Variants in DNAJC5B observed in about 807,000 individuals in gnomAD.
DNAJC5B encodes the protein dnaJ homolog subfamily C member 5B.
DNAJC5B carries 23 observed loss-of-function variants against 24.7 expected under a neutral mutation model. The ratio of observed to expected loss-of-function variants is 0.93; its 90% CI spans 0.67 to 1.32. The LOEUF (loss-of-function observed/expected upper bound fraction) is 1.32, where lower values mean the gene tolerates loss of function less well. Among genes scored for constraint, DNAJC5B ranks in the 40% most tolerant of loss-of-function variants. The pLI is 0.00. For missense variants in DNAJC5B, 238 were observed against 240.8 expected (o/e 0.99, Z 0.08); for synonymous variants, 101 against 90.1 (o/e 1.12, Z -0.68).
chr8:66,076,805 T>C lies in DNAJC5B; in HGVS notation c.265T>C (p.Tyr89His), dbSNP rs370851025. The stretch of plus-strand genomic sequence containing the variant: ...CGACAAGTACGGATCGCTGGGACTC[T>C]ACGTGGCCGAGCAGTTTGGAGACGA... ...IYDKYGSLGL[Y>H]VAEQFGDENV... The change falls in exon 4 of 6, where the codon TAC (tyrosine) becomes CAC (histidine). Residue 89 changes from tyrosine (Y) to histidine (H), a missense_variant. Tyr to His is a moderately conservative substitution (Grantham distance 83). Transcript: ENST00000276570. The C allele has an allele frequency of 2.5e-5, 41 of 1,614,200 alleles. No individual in the cohort carries two copies. The East Asian group carries it at 4.5e-4, about 18-fold the overall frequency.
upstream of DNAJC5B, among the ~76,000 whole-genome samples, chr8:66,021,132 A>G (rs972558661): frequency 1.3e-4 from 20 of 151,866 alleles, no homozygotes; most frequent in African/African-American, 4.1e-4. Context: ...CTTCACTGAG[A>G]CTCTGTTCTC....
intron 5 of DNAJC5B, among the ~76,000 whole-genome samples, chr8:66,099,680 C>A (rs1271603393): frequency 1.3e-5 from 2 of 152,198 alleles, no homozygotes; most frequent in African/African-American, 4.8e-5. Context: ...TTCAAGTTCA[C>A]CAGGTTCAGC....
rs1301603065 is a variant in DNAJC5B, at chr8:66,100,011, A to C, written c.580A>C (p.Ser194Arg). 3 of 1,613,890 alleles carry C rather than the reference A, an allele frequency of 1.9e-6. No individual in the cohort carries two copies. The African/African-American group carries it at 4.0e-5, about 22-fold the overall frequency. ...KTQLIKEGSRSYCTDS is the reference protein window; with the variant it reads ...KTQLIKEGSRRYCTDS ...ACAGCTAATCAAAGAAGGATCTCGA[A>C]GTTATTGCACAGACTCTTGATATTG... Residue 194 changes from serine to arginine, a missense_variant, in exon 6 of 6, where the codon AGT becomes CGT. Ser to Arg is a moderately radical substitution (Grantham distance 110, BLOSUM62 -1). Transcript: ENST00000276570.
chr8:66,055,840 G>A (rs1412095504), intron 3 of DNAJC5B, among the ~76,000 whole-genome samples: 1 of 152,176 alleles, frequency 6.6e-6, no homozygotes, highest in African/African-American at 2.4e-5. Context: ...TGCTCGGGAG[G>A]CTGAGGCACG....
At chr8:66,068,251 C>T (rs561092745) in intron 3 of DNAJC5B, among the ~76,000 whole-genome samples, 2 of 152,224 alleles carry the variant, frequency 1.3e-5, no homozygotes, top group African/African-American at 4.8e-5. Context: ...GAATTTTAGA[C>T]ATTTGAATGA....
intron 1 of DNAJC5B, among the ~76,000 whole-genome samples, chr8:66,038,496 C>T (rs1806536733): frequency 6.6e-6 from 1 of 152,178 alleles, no homozygotes; most frequent in Non-Finnish European, 1.5e-5. Flanking sequence ...GTTCTGGGTA[C>T]TCATGGCTTT....
chr8:66,032,354 G>A (rs947669273), intron 1 of DNAJC5B, among the ~76,000 whole-genome samples: 1 of 152,278 alleles, frequency 6.6e-6, no homozygotes, highest in African/African-American at 2.4e-5. Flanking sequence ...GGAGCCTGGA[G>A]AAGGCTCCCC....
At chr8:66,064,249 T>C (rs1807142399) in intron 3 of DNAJC5B, among the ~76,000 whole-genome samples, 1 of 152,220 alleles carries the variant, frequency 6.6e-6, no homozygotes, top group East Asian at 1.9e-4. Context: ...TAATGCTGTT[T>C]GTTTTTGCAC....
At chr8:66,029,070 C>T (rs1190197109) in intron 1 of DNAJC5B, among the ~76,000 whole-genome samples, 1 of 152,224 alleles carries the variant, frequency 6.6e-6, no homozygotes, top group Non-Finnish European at 1.5e-5. Context: ...GCAATTTCTT[C>T]AGCTTTTCTG....
intron 3 of DNAJC5B, among the ~76,000 whole-genome samples, chr8:66,054,525 T>C (rs1360191135): frequency 6.6e-6 from 1 of 152,222 alleles, no homozygotes; most frequent in Admixed American, 6.5e-5. Context: ...AGTCTCTATT[T>C]TTATCTATTA....
chr8:66,071,660 G>A (rs1807351714), intron 3 of DNAJC5B, among the ~76,000 whole-genome samples: 1 of 152,148 alleles, frequency 6.6e-6, no homozygotes. Context: ...CAAGGATCTA[G>A]AACTAGAAAT....
At chr8:66,077,329 G>C (rs1456817674) in intron 4 of DNAJC5B, among the ~76,000 whole-genome samples, 1 of 152,126 alleles carries the variant, frequency 6.6e-6, no homozygotes, top group Non-Finnish European at 1.5e-5. Context: ...CTGTGAGGTA[G>C]AGGAGAAGGA....
At chr8:66,065,399 T>C (rs1047810231) in intron 3 of DNAJC5B, among the ~76,000 whole-genome samples, 4 of 152,350 alleles carry the variant, frequency 2.6e-5, no homozygotes, top group African/African-American at 7.2e-5. Context: ...TGTACTATGG[T>C]AGCAGGTGTT....
chr8:66,020,445 T>G (rs188704610), upstream of DNAJC5B, among the ~76,000 whole-genome samples: 1 of 152,314 alleles, frequency 6.6e-6, no homozygotes, highest in Admixed American at 6.5e-5. Context: ...CAGATACTTT[T>G]TAGTATCATA....
intron 3 of DNAJC5B, among the ~76,000 whole-genome samples, chr8:66,054,363 A>T (rs938161032): frequency 6.6e-6 from 1 of 152,234 alleles, no homozygotes; most frequent in Non-Finnish European, 1.5e-5. Flanking sequence ...TTACAACACT[A>T]TAAAAATATT....
chr8:66,047,700 G>C (rs2096529963), intron 2 of DNAJC5B, among the ~76,000 whole-genome samples: 1 of 152,110 alleles, frequency 6.6e-6, no homozygotes, highest in Admixed American at 6.5e-5. Flanking sequence ...GACTTTTATG[G>C]AACATAGCCC....
intron 3 of DNAJC5B, among the ~76,000 whole-genome samples, chr8:66,054,452 A>C (rs1040933489): frequency 2.6e-5 from 4 of 152,220 alleles, no homozygotes; most frequent in Non-Finnish European, 5.9e-5. Context: ...TTTTGGCATA[A>C]GGAATGAGGT....
In DNAJC5B at chr8:66,044,965, T is replaced by G. The variant is rs192430100; in HGVS notation, c.-18+1354T>G. On this transcript the variant is annotated intron_variant, in intron 2 of 5. Transcript: ENST00000276570. ...TATGGGCCCACTATTTAAGGTTATT[T>G]AAGGAAGAGATTTTATGTTATTATG... 1.6e-4 allele frequency among the ~76,000 whole-genome samples: 25 copies of G among 152,342 alleles called. 1 individual carries two copies. The South Asian group carries it at 5.0e-3, about 30-fold the overall frequency.
intron 5 of DNAJC5B, among the ~76,000 whole-genome samples, chr8:66,090,250 CAT>C (rs1491387843): frequency 2.7e-5 from 3 of 111,116 alleles, no homozygotes; most frequent in South Asian, 3.2e-4. Flanking sequence ...TGCGTGCAGG[CAT>C]GTGTGTGTGT....
Sources: allele counts gnomAD v4.1 joint callset (sites outside exome capture counted in the v4.1 genomes callset), GRCh38; gene constraint gnomAD v4.1.1; transcripts MANE v1.5; gene names NCBI Gene and HGNC (gene_info 2026-07-23, HGNC 2026-07-21).